The following ATP8A2 variants were observed in gnomAD, a reference collection of about 807,000 sequenced individuals.
The protein encoded by ATP8A2 is ATPase phospholipid transporting 8A2, also known as phospholipid-transporting ATPase IB.
A neutral mutation model predicts 165.6 loss-of-function variants in ATP8A2; 100 were observed. That is an observed-to-expected ratio of 0.60 (90% CI 0.51 to 0.71). The LOEUF is 0.71. Among genes scored for constraint, ATP8A2 ranks in the 30% least tolerant of loss-of-function variants. The pLI, the probability that ATP8A2 is intolerant of heterozygous loss-of-function variation, is 0.00. For synonymous variants in ATP8A2, 543 were observed against 548.8 expected, an observed-to-expected ratio of 0.99 and a Z score of 0.15; for missense variants, 1,227 against 1,479.5, an observed-to-expected ratio of 0.83 and a Z score of 2.80.
intron 35 of ATP8A2, among the ~76,000 whole-genome samples, chr13:25,998,155 C>T (rs1342637583): frequency 6.6e-6 from 1 of 152,178 alleles, no homozygotes; most frequent in East Asian, 1.9e-4. Context: ...GGTCCTGATT[C>T]TCCATAAGAC....
chr13:25,908,461 G>A (rs1009747940), intron 33 of ATP8A2, among the ~76,000 whole-genome samples: 2 of 152,204 alleles, frequency 1.3e-5, no homozygotes, highest in African/African-American at 2.4e-5. Flanking sequence ...TAATGAAGCC[G>A]AGATTGTTCT....
At chr13:25,952,818 A>G (rs1211145772) in intron 33 of ATP8A2, among the ~76,000 whole-genome samples, 1 of 152,184 alleles carries the variant, frequency 6.6e-6, no homozygotes, top group African/African-American at 2.4e-5. Flanking sequence ...TTATTGTGTC[A>G]GCGCCACACA....
In ATP8A2 at chr13:25,581,919, T is replaced by C; in HGVS notation, c.2108T>C (p.Val703Ala). The C allele has an allele frequency of 5.0e-6, 8 of 1,613,448 alleles. No individual in the cohort carries two copies. Among genetic ancestry groups the C allele is most frequent in the Non-Finnish European group, 6.8e-6 (8 of 1,179,700 alleles). ...TTGAAGGCAGAAATTAAAATATGGG[T>C]GTTGACAGGAGACAAACAAGAAACT... The part of the protein sequence containing the change: ...TLLKAEIKIW[V>A]LTGDKQETAI... Residue 703 changes from valine to alanine, a missense_variant, in exon 23 of 37, where the codon GTG becomes GCG. Physicochemically the swap from Val to Ala is moderately conservative, Grantham distance 64. Transcript: ENST00000381655.
At chr13:25,746,047 G>C (rs566087617) in intron 25 of ATP8A2, among the ~76,000 whole-genome samples, 2 of 152,318 alleles carry the variant, frequency 1.3e-5, no homozygotes, top group East Asian at 3.9e-4. Flanking sequence ...GTGAGCCTCT[G>C]TAAAAATGTT....
chr13:25,661,191 G>A (rs1371665365), intron 24 of ATP8A2, among the ~76,000 whole-genome samples: 1 of 152,116 alleles, frequency 6.6e-6, no homozygotes, highest in Non-Finnish European at 1.5e-5. Flanking sequence ...TCTGACCCAG[G>A]AACACAGCCT....
At chr13:25,814,098 GACAC>G (rs59562535) in intron 27 of ATP8A2, among the ~76,000 whole-genome samples, 4 of 149,418 alleles carry the variant, frequency 2.7e-5, no homozygotes, top group African/African-American at 7.4e-5. Flanking sequence ...CACACATACA[GACAC>G]ACACACACAC....
rs111610203 is a variant in ATP8A2 at position 25,750,992 on chromosome 13, C to CA, written c.2385-18051dup. Among the ~76,000 whole-genome samples, 3,483 of 152,298 alleles carry CA rather than the reference C, an allele frequency of 0.023. 137 individuals are homozygous for CA. The highest frequency in any genetic ancestry group is 0.079 in the African/African-American group (3,298 of 41,548). On this transcript the variant is annotated intron_variant, in intron 25 of 36. Coordinates refer to ENST00000381655, the MANE Select transcript of ATP8A2 (RefSeq NM_016529.6). The surrounding 1 kb of genome is among the most constrained non-coding windows in gnomAD (Gnocchi z 4.3). ...ACAGAGAGCTTGGGAGTCTCAATGA[C>CA]AAAGGCGCCCGTGGGCTCACAGCTA... is the stretch of plus-strand genomic sequence containing the variant.
At chr13:25,857,037 C>A (rs1250060999) in intron 30 of ATP8A2, among the ~76,000 whole-genome samples, 1 of 152,188 alleles carries the variant, frequency 6.6e-6, no homozygotes, top group Non-Finnish European at 1.5e-5. Flanking sequence ...TCTGAATCTT[C>A]CAGTGGTTAC....
Position 25,506,616 on chromosome 13 carries a change from C to A in ATP8A2, c.222-23383C>A, listed in dbSNP as rs144481055. On this transcript the variant is annotated intron_variant, in intron 2 of 36. Transcript: ENST00000381655. ...GAGGGCATCTGAGGAAGCCCCACTT[C>A]CCGGATCGAGGTGCCCAGTTCTCTG... is the stretch of plus-strand genomic sequence containing the variant. Among the ~76,000 whole-genome samples the A allele has an allele frequency of 4.8e-3, 733 of 152,304 alleles. 7 individuals carry two copies. The highest frequency in any genetic ancestry group is 0.017 in the African/African-American group (705 of 41,560).
At chr13:25,815,050 A>G (rs1229221441) in intron 27 of ATP8A2, among the ~76,000 whole-genome samples, 1 of 151,640 alleles carries the variant, frequency 6.6e-6, no homozygotes, top group African/African-American at 2.4e-5. Flanking sequence ...AAAAAAATTA[A>G]CTCCAAATGA....
At chr13:25,458,774 A>G (rs2035429314) in intron 1 of ATP8A2, among the ~76,000 whole-genome samples, 2 of 152,218 alleles carry the variant, frequency 1.3e-5, no homozygotes, top group African/African-American at 2.4e-5. Flanking sequence ...GAGGAGCAAC[A>G]GGGAGGTCCC....
At chr13:25,693,287 T>C (rs1050957089) in intron 24 of ATP8A2, among the ~76,000 whole-genome samples, 16 of 152,216 alleles carry the variant, frequency 1.1e-4, no homozygotes, top group African/African-American at 3.1e-4. Flanking sequence ...ATACCTTCAA[T>C]TGGCTCGCTT....
intron 1 of ATP8A2, among the ~76,000 whole-genome samples, chr13:25,423,031 G>A (rs2034344384): frequency 6.6e-6 from 1 of 152,044 alleles, no homozygotes; most frequent in African/African-American, 2.4e-5. Flanking sequence ...TAACATTAGT[G>A]ACTCCATTTT....
At chr13:25,644,812 AT>A (rs1433409829) in intron 24 of ATP8A2, among the ~76,000 whole-genome samples, 2 of 152,080 alleles carry the variant, frequency 1.3e-5, no homozygotes, top group Non-Finnish European at 2.9e-5. Flanking sequence ...TTATCCACTT[AT>A]TCTAGGTTAT....
intron 7 of ATP8A2, among the ~76,000 whole-genome samples, chr13:25,540,076 G>T (rs1236053027): frequency 6.6e-6 from 1 of 152,154 alleles, no homozygotes; most frequent in Non-Finnish European, 1.5e-5. Context: ...TTGAGGCTCA[G>T]CAGTCATTAT....
chr13:25,771,020 C>G (rs769810209), intron 26 of ATP8A2, among the ~76,000 whole-genome samples: 1 of 152,248 alleles, frequency 6.6e-6, no homozygotes, highest in African/African-American at 2.4e-5. Context: ...GATCACCTCT[C>G]AGGTTTCTTC....
intron 1 of ATP8A2, among the ~76,000 whole-genome samples, chr13:25,413,867 T>C (rs577529987): frequency 6.6e-6 from 1 of 152,282 alleles, no homozygotes; most frequent in South Asian, 2.1e-4. Flanking sequence ...AACAATCCCC[T>C]GTTTTTTTAT....
chr13:25,909,383 G>A (rs140167091), intron 33 of ATP8A2, among the ~76,000 whole-genome samples: 2 of 151,982 alleles, frequency 1.3e-5, no homozygotes, highest in African/African-American at 4.8e-5. Flanking sequence ...ACATCACATC[G>A]TACCCCATAA....
At chr13:25,661,777 G>T (rs1453462488) in intron 24 of ATP8A2, among the ~76,000 whole-genome samples, 2 of 152,154 alleles carry the variant, frequency 1.3e-5, no homozygotes, top group Non-Finnish European at 2.9e-5. Context: ...TTCTTGGAGA[G>T]TGATGAGTAA....
Sources: allele counts gnomAD v4.1 joint callset (sites outside exome capture counted in the v4.1 genomes callset), GRCh38; gene constraint gnomAD v4.1.1; non-coding constraint Gnocchi (gnomAD v3.1); transcripts MANE v1.5; gene names NCBI Gene and HGNC (gene_info 2026-07-23, HGNC 2026-07-21).